Variants in NAPEPLD observed in about 807,000 individuals in gnomAD.
NAPEPLD encodes the protein N-acyl-phosphatidylethanolamine-hydrolyzing phospholipase D.
In NAPEPLD, 23 loss-of-function variants were observed where a neutral mutation model predicts 38.1. The observed-to-expected ratio is 0.60, with a 90% CI of 0.43 to 0.86. NAPEPLD has a LOEUF of 0.86. Ranked by LOEUF, NAPEPLD falls within the 40% of genes least tolerant of loss-of-function variation. The pLI is 0.00. For synonymous variants in NAPEPLD, 147 were observed against 162.0 expected, an observed-to-expected ratio of 0.91 and a Z score of 0.71; for missense variants, 411 against 476.8, an observed-to-expected ratio of 0.86 and a Z score of 1.28.
upstream of NAPEPLD, chr7:103,149,483 G>T: frequency 7.9e-7 from 1 of 1,263,890 alleles, no homozygotes; most frequent in Non-Finnish European, 1.0e-6. Flanking sequence ...CCTCGCCATC[G>T]TTGGGGCGAG....
chr7:103,126,506 T>C (rs1807819549), intron 2 of NAPEPLD, among the ~76,000 whole-genome samples: 1 of 152,200 alleles, frequency 6.6e-6, no homozygotes, highest in Non-Finnish European at 1.5e-5. Flanking sequence ...TCATACCTCC[T>C]TTGGGACACA....
At chr7:103,141,945 C>A in intron 1 of NAPEPLD, 2 of 879,904 alleles carry the variant, frequency 2.3e-6, no homozygotes, top group East Asian at 2.4e-5. Flanking sequence ...CTCAAGGCTG[C>A]AGCCACAGCA....
At chr7:103,139,529 A>G (rs2129535081) in intron 1 of NAPEPLD, among the ~76,000 whole-genome samples, 1 of 152,370 alleles carries the variant, frequency 6.6e-6, no homozygotes, top group East Asian at 1.9e-4. Flanking sequence ...CCTGTGATCC[A>G]GCAGGTCAGA....
rs1284555573 is a variant in NAPEPLD at position 103,103,520 on chromosome 7, G to A, written c.1091C>T (p.Ala364Val). The A allele has an allele frequency of 6.3e-7, 1 of 1,594,132 alleles. No homozygotes were observed. Among genetic ancestry groups the A allele is most frequent in the Non-Finnish European group, 8.5e-7 (1 of 1,174,970 alleles). Residue 364 changes from alanine to valine, a missense_variant, in exon 5 of 5, where the codon GCT becomes GTT. Ala to Val is a moderately conservative substitution (Grantham distance 64, BLOSUM62 0). Coordinates refer to ENST00000465647, the MANE Select transcript of NAPEPLD (RefSeq NM_001122838.3). ...AGCGTTAAGTCCGTATCTCTCTAGA[G>A]CTTCATTCAGCTTCACTGGAGGCTC... Reference protein sequence around the residue: ...YLEPPVKLNEALERYGLNAED... With the variant: ...YLEPPVKLNEVLERYGLNAED...
At chr7:103,141,834 T>C in intron 1 of NAPEPLD, 1 of 955,654 alleles carries the variant, frequency 1.0e-6, no homozygotes, top group South Asian at 1.3e-5. Context: ...TGACGGGAGT[T>C]GGCATTGGTG....
intron 4 of NAPEPLD, among the ~76,000 whole-genome samples, chr7:103,105,928 G>A (rs1243671662): frequency 5.2e-5 from 5 of 96,046 alleles, no homozygotes; most frequent in African/African-American, 2.3e-4. Flanking sequence ...ATGAGACTCC[G>A]TCTCAAAAAA....
At chr7:103,132,383 G>A (rs2898640) in intron 1 of NAPEPLD, among the ~76,000 whole-genome samples, 137,538 of 152,154 alleles carry the variant, frequency 0.9, 63,737 homozygotes, top group East Asian at 1. Flanking sequence ...AGATGAATCA[G>A]TAAGACTTGA....
chr7:103,119,353 G>A (rs983190213), intron 3 of NAPEPLD, among the ~76,000 whole-genome samples: 3 of 151,842 alleles, frequency 2.0e-5, no homozygotes, highest in Non-Finnish European at 1.5e-5. Flanking sequence ...ACATCATGTT[G>A]CACACCATAT....
At chr7:103,146,726 C>T (rs1397231259) in intron 1 of NAPEPLD, among the ~76,000 whole-genome samples, 1 of 152,160 alleles carries the variant, frequency 6.6e-6, no homozygotes, top group Non-Finnish European at 1.5e-5. Flanking sequence ...TGCTGACCAA[C>T]GCTTGCTAAT....
At chr7:103,132,468 T>C (rs115252953) in intron 1 of NAPEPLD, among the ~76,000 whole-genome samples, 1 of 152,152 alleles carries the variant, frequency 6.6e-6, no homozygotes, top group African/African-American at 2.4e-5. Flanking sequence ...GAGTCAGAAA[T>C]GGCAGCACCA....
chr7:103,137,962 ATCTT>A (rs1033294907), intron 1 of NAPEPLD, among the ~76,000 whole-genome samples: 1 of 147,498 alleles, frequency 6.8e-6, no homozygotes, highest in African/African-American at 2.5e-5. Flanking sequence ...ATGTCAGATG[ATCTT>A]TCTTTTTTGC....
Position 103,103,247 on chromosome 7 carries a change from C to T in NAPEPLD, c.*182G>A. The T allele has an allele frequency of 1.7e-6, 1 of 581,344 alleles. No homozygotes were observed. Among genetic ancestry groups the T allele is most frequent in the Non-Finnish European group, 2.8e-6 (1 of 358,718 alleles). 36.0% of individuals were successfully genotyped at this position (581,344 alleles called of 1,614,324 possible). A position where few individuals can be genotyped will look rare whatever the true frequency, so the allele number is the denominator to read the frequency against. On this transcript the variant is annotated 3_prime_UTR_variant, in exon 5 of 5. Transcript: ENST00000465647. ...TAAATGACCCACCCCTGAACCCTCT[C>T]ATAGTGTACATGAGCTGATCATACT...
At chr7:103,149,445 G>C (rs1813291475), upstream of NAPEPLD, 1 of 1,257,470 alleles carries the variant, frequency 8.0e-7, no homozygotes, top group Non-Finnish European at 1.0e-6. Flanking sequence ...GACGCCAGCA[G>C]CTGCAGGCAG....
chr7:103,144,319 T>G lies in NAPEPLD; in HGVS notation c.-17+4492A>C, dbSNP rs117859521. ...TTGTTTTTTTGGCTTTCAACAAAAT[T>G]TTCTCCCCTTTTGCAAAGTAAAAGG... is the stretch of plus-strand genomic sequence containing the variant. On this transcript the variant is annotated intron_variant, in intron 1 of 4. Transcript: ENST00000465647. Among the ~76,000 whole-genome samples, 110 of 152,336 alleles carry G rather than the reference T, an allele frequency of 7.2e-4. 1 individual carries two copies. The East Asian group carries it at 0.018, about 25-fold the overall frequency.
At chr7:103,122,343 A>G (rs929635545) in intron 2 of NAPEPLD, among the ~76,000 whole-genome samples, 2 of 152,122 alleles carry the variant, frequency 1.3e-5, no homozygotes, top group African/African-American at 4.8e-5. Flanking sequence ...AAACAATTCT[A>G]GAGTCCAAAT....
chr7:103,135,749 A>C (rs1374022609), intron 1 of NAPEPLD, among the ~76,000 whole-genome samples: 5 of 152,006 alleles, frequency 3.3e-5, no homozygotes, highest in African/African-American at 9.7e-5. Context: ...AAATCTATAT[A>C]TATATATATA....
At chr7:103,131,651 C>T (rs1466868240) in intron 1 of NAPEPLD, among the ~76,000 whole-genome samples, 2 of 149,408 alleles carry the variant, frequency 1.3e-5, no homozygotes, top group Non-Finnish European at 3.0e-5. Context: ...CAGTGAGACT[C>T]TGTCTCAAGG....
At chr7:103,126,664 T>C (rs1807857021) in intron 2 of NAPEPLD, 1 of 152,262 alleles carries the variant, frequency 6.6e-6, no homozygotes, top group African/African-American at 2.4e-5. Context: ...TGGAGTGTAG[T>C]GGCACGATCT....
chr7:103,138,473 C>CTTTTT (rs59334185), intron 1 of NAPEPLD, among the ~76,000 whole-genome samples: 1 of 144,678 alleles, frequency 6.9e-6, no homozygotes. Context: ...TTCTACAGCC[C>CTTTTT]TTTTTTTTTT....
Sources: gnomAD v4.1 joint callset for allele counts (sites outside exome capture counted in the v4.1 genomes callset) on GRCh38, gnomAD v4.1.1 for gene constraint, MANE v1.5 for transcripts, NCBI Gene and HGNC (gene_info 2026-07-23, HGNC 2026-07-21) for gene names.